The following PRKCA variants were observed in gnomAD, a reference collection of about 807,000 sequenced individuals.
PRKCA encodes the protein protein kinase C alpha, also known as protein kinase C alpha type.
In PRKCA, 27 loss-of-function variants were observed where a neutral mutation model predicts 87.0. The observed-to-expected ratio is 0.31, with a 90% confidence interval of 0.23 to 0.43. PRKCA has a LOEUF of 0.43. PRKCA is among the 20% of genes least tolerant of loss of function. The pLI, the probability that PRKCA is intolerant of heterozygous loss-of-function variation, is 1.00. For synonymous variants in PRKCA, 329 were observed against 311.1 expected (o/e 1.06, Z -0.61); for missense variants, 518 against 852.3 (o/e 0.61, Z 4.88).
intron 3 of PRKCA, among the ~76,000 whole-genome samples, chr17:66,579,948 A>G (rs973279524): frequency 3.9e-5 from 6 of 152,066 alleles, no homozygotes; most frequent in Non-Finnish European, 5.9e-5. Context: ...GACCTGGTGC[A>G]GGTGTCACTC....
At chr17:66,625,874 G>A (rs561224224) in intron 3 of PRKCA, among the ~76,000 whole-genome samples, 34 of 152,256 alleles carry the variant, frequency 2.2e-4, no homozygotes, top group African/African-American at 7.9e-4. Flanking sequence ...CTGAACCTCC[G>A]TCTCTTCATC....
chr17:66,716,330 T>C (rs1282367027), intron 8 of PRKCA, among the ~76,000 whole-genome samples: 1 of 152,182 alleles, frequency 6.6e-6, no homozygotes, highest in Non-Finnish European at 1.5e-5. Context: ...GGAAAAGGAA[T>C]AGGTTTCCAA....
chr17:66,562,989 A>T (rs1413547098), intron 3 of PRKCA, among the ~76,000 whole-genome samples: 2 of 152,144 alleles, frequency 1.3e-5, no homozygotes, highest in African/African-American at 2.4e-5. Context: ...ATATACCTAT[A>T]ACTGTAGCAG....
chr17:66,457,794 G>A (rs990664956), intron 2 of PRKCA, among the ~76,000 whole-genome samples: 14 of 152,086 alleles, frequency 9.2e-5, no homozygotes, highest in African/African-American at 3.1e-4. Flanking sequence ...TCAGCCCTGC[G>A]GAACTGTGAG....
At chr17:66,616,843 G>A (rs1473430062) in intron 3 of PRKCA, among the ~76,000 whole-genome samples, 2 of 151,990 alleles carry the variant, frequency 1.3e-5, no homozygotes, top group Non-Finnish European at 2.9e-5. Context: ...AGGGAGAGGG[G>A]GCTGGGGCCA....
intron 8 of PRKCA, among the ~76,000 whole-genome samples, chr17:66,720,796 T>C (rs901567261): frequency 3.9e-5 from 6 of 152,248 alleles, no homozygotes; most frequent in East Asian, 1.9e-4. Context: ...TTGGTCATCG[T>C]TGGCCTGTCC....
chr17:66,760,042 C>T (rs945608573), intron 13 of PRKCA, among the ~76,000 whole-genome samples: 9 of 152,196 alleles, frequency 5.9e-5, no homozygotes, highest in African/African-American at 1.7e-4. Context: ...TCAGTAGGGA[C>T]GGAGTTGAAC....
intron 2 of PRKCA, among the ~76,000 whole-genome samples, chr17:66,483,497 T>G (rs1253091636): frequency 1.3e-5 from 2 of 151,690 alleles, no homozygotes; most frequent in African/African-American, 2.4e-5. Context: ...ACAGAGTCTC[T>G]GTCGCCCAGG....
chr17:66,540,303 C>T (rs377639794), intron 3 of PRKCA, among the ~76,000 whole-genome samples: 147 of 152,334 alleles, frequency 9.6e-4, no homozygotes, highest in African/African-American at 3.5e-3. Context: ...CAGCACAGAG[C>T]CCAGCGGAGA....
chr17:66,710,211 G>A (rs191189156), intron 8 of PRKCA, among the ~76,000 whole-genome samples: 1 of 151,744 alleles, frequency 6.6e-6, no homozygotes, highest in African/African-American at 2.4e-5. Context: ...CTGCACCTGG[G>A]GTGCCTCCGG....
At chr17:66,581,440 TGA>T (rs1454011554) in intron 3 of PRKCA, among the ~76,000 whole-genome samples, 1 of 152,188 alleles carries the variant, frequency 6.6e-6, no homozygotes, top group African/African-American at 2.4e-5. Flanking sequence ...GAACCATATT[TGA>T]GAGGGAATCT....
At chr17:66,496,564 A>G (rs1478378045) in intron 3 of PRKCA, among the ~76,000 whole-genome samples, 1 of 152,192 alleles carries the variant, frequency 6.6e-6, no homozygotes, top group East Asian at 1.9e-4. Flanking sequence ...AGCTTTCACA[A>G]ACACAATGCA....
intron 2 of PRKCA, among the ~76,000 whole-genome samples, chr17:66,328,249 C>T (rs545327142): frequency 2.1e-4 from 32 of 152,048 alleles, no homozygotes; most frequent in Admixed American, 7.9e-4. Flanking sequence ...GACGGGGTCT[C>T]GCTATGTTGT....
At chr17:66,700,234 G>A (rs1269757792) in intron 8 of PRKCA, among the ~76,000 whole-genome samples, 1 of 152,126 alleles carries the variant, frequency 6.6e-6, no homozygotes, top group African/African-American at 2.4e-5. Context: ...TGCAGAAAAA[G>A]GATTTGACAA....
At chr17:66,485,798 C>T (rs977819884) in intron 2 of PRKCA, among the ~76,000 whole-genome samples, 3 of 152,128 alleles carry the variant, frequency 2.0e-5, no homozygotes, top group African/African-American at 7.2e-5. Flanking sequence ...CATACAGTCC[C>T]AAAGCCGAGT....
At chr17:66,306,321 T>A in intron 2 of PRKCA, 194 bp downstream of exon 2, 18 of 374,326 alleles carry the variant, frequency 4.8e-5, no homozygotes, top group Admixed American at 9.3e-5. Flanking sequence ...TGCCTTTTTC[T>A]CATTGGAAAA....
intron 2 of PRKCA, among the ~76,000 whole-genome samples, chr17:66,423,614 G>C (rs942806750): frequency 6.6e-6 from 1 of 152,190 alleles, no homozygotes; most frequent in Non-Finnish European, 1.5e-5. Flanking sequence ...TTTAAAGCTG[G>C]CTGTTACTGA....
chr17:66,466,251 G>A (rs1169636396), intron 2 of PRKCA, among the ~76,000 whole-genome samples: 1 of 152,208 alleles, frequency 6.6e-6, no homozygotes, highest in Non-Finnish European at 1.5e-5. Flanking sequence ...AACATGAACT[G>A]CACGTGTGGA....
chr17:66,596,521 TTC>T lies in PRKCA; in HGVS notation c.289-44833_289-44832del, dbSNP rs1969981834. ...CATGATGGAAAGGGGAAGATTTTAGTTCATATCAGATGTTCAGAATCTTTGTA... is the reference window on the plus strand; with the variant it reads ...CATGATGGAAAGGGGAAGATTTTAGTATATCAGATGTTCAGAATCTTTGTA... On this transcript the variant is annotated intron_variant, in intron 3 of 16. Coordinates refer to ENST00000413366, the MANE Select transcript of PRKCA (RefSeq NM_002737.3). 2.0e-5 allele frequency among the ~76,000 whole-genome samples: 3 copies of T among 151,702 alleles called. No homozygotes were observed. In the East Asian group the frequency reaches 5.8e-4, roughly 29 times the overall value.
Sources: gnomAD v4.1 joint callset for allele counts (sites outside exome capture counted in the v4.1 genomes callset) on GRCh38, gnomAD v4.1.1 for gene constraint, MANE v1.5 for transcripts, NCBI Gene and HGNC (gene_info 2026-07-23, HGNC 2026-07-21) for gene names.